The following KCNQ4 variants were observed in gnomAD, a reference collection of about 807,000 sequenced individuals.
The protein encoded by KCNQ4 is potassium voltage-gated channel subfamily Q member 4.
A neutral mutation model predicts 72.6 loss-of-function variants in KCNQ4; 31 were observed. The ratio of observed to expected loss-of-function variants is 0.43; its 90% CI spans 0.32 to 0.58. The LOEUF is 0.58. Ranked by LOEUF, KCNQ4 falls within the 20% of genes least tolerant of loss-of-function variation. The pLI is 0.08. For missense variants in KCNQ4, 869 were observed against 962.6 expected, an observed-to-expected ratio of 0.90 and a Z score of 1.29; for synonymous variants, 405 against 403.7, an observed-to-expected ratio of 1.00 and a Z score of -0.04.
At chr1:40,820,064 G>A (rs563247707) in intron 6 of KCNQ4, 79 bp downstream of exon 6, 1 of 1,536,734 alleles carries the variant, frequency 6.5e-7, no homozygotes. Context: ...TGCCTGGGGA[G>A]CCTGGGGTAC....
chr1:40,816,307 C>G (rs140407884), intron 1 of KCNQ4, among the ~76,000 whole-genome samples: 9 of 152,152 alleles, frequency 5.9e-5, no homozygotes, highest in Non-Finnish European at 1.3e-4. Context: ...CCACCTCATT[C>G]GCCTCTGCTG....
chr1:40,805,374 C>T (rs948211427), intron 1 of KCNQ4, among the ~76,000 whole-genome samples: 1 of 152,108 alleles, frequency 6.6e-6, no homozygotes, highest in Admixed American at 6.6e-5. Context: ...AGATCCTTAC[C>T]ATAGCCAGTA....
At chr1:40,807,996 A>G (rs1023188628) in intron 1 of KCNQ4, among the ~76,000 whole-genome samples, 2 of 151,046 alleles carry the variant, frequency 1.3e-5, no homozygotes, top group South Asian at 2.1e-4. Context: ...GGTCCCGGCT[A>G]CTCAGGAGGC....
chr1:40,827,335 G>C (rs1648510009), intron 9 of KCNQ4, among the ~76,000 whole-genome samples: 1 of 152,188 alleles, frequency 6.6e-6, no homozygotes, highest in Non-Finnish European at 1.5e-5. Context: ...GCCCGGGTCA[G>C]GCACACAACC....
Position 40,784,973 on chromosome 1 carries a change from G to A in KCNQ4, c.314+566G>A, listed in dbSNP as rs200361655. 3.6e-4 allele frequency among the ~76,000 whole-genome samples: 55 copies of A among 152,194 alleles called. No individual in the cohort carries two copies. The highest frequency in any genetic ancestry group is 2.0e-3 in the Admixed American group (31 of 15,288). On this transcript the variant is annotated intron_variant, in intron 1 of 13. Coordinates refer to ENST00000347132, the MANE Select transcript of KCNQ4 (RefSeq NM_004700.4). The surrounding 1 kb of genome is among the most constrained non-coding windows in gnomAD (Gnocchi z 4.1). ...CCCCTGGGCCCTGACACTCGCATAT[G>A]CTGTGTCCGACTTGATCTGTGTCTT...
At position 40,818,669 on chromosome 1, in the gene KCNQ4, G is replaced by C; in HGVS notation, c.697G>C (p.Ala233Pro). ...GAAGCTGCTGGGCTCAGTGGTCTACGCGCATAGCAAGGTGAGGCCTGCAAG... is the reference window on the plus strand; with the variant it reads ...GAAGCTGCTGGGCTCAGTGGTCTACCCGCATAGCAAGGTGAGGCCTGCAAG... ...TWKLLGSVVY[A>P]HSKELITAWY... The change falls in exon 4 of 14, where the codon GCG becomes CCG. Residue 233 changes from alanine (A) to proline (P), a missense_variant. Ala to Pro is a conservative substitution (Grantham distance 27). Coordinates refer to ENST00000347132, the MANE Select transcript of KCNQ4 (RefSeq NM_004700.4). 4 of 1,602,778 alleles carry C rather than the reference G, an allele frequency of 2.5e-6. No homozygotes were observed. The highest frequency in any genetic ancestry group is 3.4e-6 in the Non-Finnish European group (4 of 1,177,934).
At chr1:40,793,080 G>T (rs1476086709) in intron 1 of KCNQ4, among the ~76,000 whole-genome samples, 1 of 136,840 alleles carries the variant, frequency 7.3e-6, no homozygotes, top group African/African-American at 2.8e-5. Flanking sequence ...TATGATCACT[G>T]CAGACTCAAC....
intron 1 of KCNQ4, among the ~76,000 whole-genome samples, chr1:40,789,999 A>C (rs1647248439): frequency 6.6e-6 from 1 of 152,212 alleles, no homozygotes; most frequent in Non-Finnish European, 1.5e-5. Flanking sequence ...CCCAGCAGGG[A>C]ATTCTGCATG....
chr1:40,791,252 G>A lies in KCNQ4; in HGVS notation c.314+6845G>A, dbSNP rs75325834. Among the ~76,000 whole-genome samples, 1,408 of 152,294 alleles carry A rather than the reference G, an allele frequency of 9.2e-3. 20 individuals are homozygous for A. Among genetic ancestry groups the A allele is most frequent in the African/African-American group, 0.032 (1,312 of 41,554 alleles). ...ACAGGAAAGTGGACCTCTCAGGGCT[G>A]CCTGGCACACAGTCGTGGTGGGCAA... On this transcript the variant is annotated intron_variant, in intron 1 of 13. Coordinates refer to ENST00000347132, the MANE Select transcript of KCNQ4 (RefSeq NM_004700.4).
In KCNQ4 at chr1:40,784,522, ATC is replaced by A; in HGVS notation, c.314+122_314+123del. The A allele has an allele frequency of 1.0e-6, 1 of 970,274 alleles. No individual in the cohort carries two copies. The highest frequency in any genetic ancestry group is 1.6e-6 in the Non-Finnish European group (1 of 624,210). The allele number at this position is 970,274 out of a possible 1,614,324, so 60.1% of individuals were successfully genotyped here. ...CCCCCCTGCCTCAGGGCCGACCCTCATCTCTCTCCCCCCAGGCCTAAGCCCGG... is the reference window on the plus strand; with the variant it reads ...CCCCCCTGCCTCAGGGCCGACCCTCATCTCTCCCCCCAGGCCTAAGCCCGG... On this transcript the variant is annotated intron_variant, in intron 1 of 13. Coordinates refer to ENST00000347132, the MANE Select transcript of KCNQ4 (RefSeq NM_004700.4). The surrounding 1 kb of genome is among the most constrained non-coding windows in gnomAD (Gnocchi z 4.1).
In KCNQ4 at chr1:40,839,666, C is replaced by G. The variant is rs1309143458; in HGVS notation, c.*1143C>G. On this transcript the variant is annotated 3_prime_UTR_variant, in exon 14 of 14. Transcript: ENST00000347132. The stretch of plus-strand genomic sequence containing the variant: ...TCCCCTTCTTCAAGAAGATCTCCTC[C>G]TCTCTGGTCCAGGAGCCCTAACCCA... 3 of 152,504 alleles carry G rather than the reference C, an allele frequency of 2.0e-5. No homozygotes were observed. In the South Asian group the frequency reaches 6.2e-4, roughly 32 times the overall value. The allele number at this position is 152,504 out of a possible 1,614,324, so 9.4% of individuals were successfully genotyped here.
intron 1 of KCNQ4, among the ~76,000 whole-genome samples, chr1:40,814,863 T>A (rs1648036630): frequency 6.6e-6 from 1 of 151,442 alleles, no homozygotes; most frequent in South Asian, 2.1e-4. Context: ...CACATTGCCG[T>A]TAAGGTTTTA....
At position 40,838,687 on chromosome 1, in the gene KCNQ4, G is replaced by C; in HGVS notation, c.*164G>C. 1.4e-6 allele frequency: 1 copy of C among 697,484 alleles called. No homozygotes were observed. Among genetic ancestry groups the C allele is most frequent in the Non-Finnish European group, 2.5e-6 (1 of 398,910 alleles). 43.2% of individuals were successfully genotyped at this position (697,484 alleles called of 1,614,324 possible). ...CTGAGTGGGCGTGGTACCTGCTGTG[G>C]GTGCCAGCGCCCCTTCCCCACCTCA... is the stretch of plus-strand genomic sequence containing the variant. On this transcript the variant is annotated 3_prime_UTR_variant, in exon 14 of 14. Transcript: ENST00000347132.
intron 1 of KCNQ4, among the ~76,000 whole-genome samples, chr1:40,796,258 C>A (rs1049518500): frequency 1.3e-5 from 2 of 152,092 alleles, no homozygotes; most frequent in Non-Finnish European, 2.9e-5. Context: ...CTAGCAGTCA[C>A]CTCCCTCTCT....
intron 10 of KCNQ4, among the ~76,000 whole-genome samples, chr1:40,831,991 C>G (rs1029934462): frequency 1.3e-5 from 2 of 152,246 alleles, no homozygotes; most frequent in African/African-American, 2.4e-5. Context: ...CTTCCTACCC[C>G]TCTTCACCCA....
intron 9 of KCNQ4, among the ~76,000 whole-genome samples, chr1:40,830,128 C>T (rs927960): frequency 2.0e-5 from 3 of 152,072 alleles, no homozygotes; most frequent in Non-Finnish European, 2.9e-5. Context: ...TAGGCAGTAT[C>T]GGGGGGTAGA....
rs1194213477 is a variant in KCNQ4, at chr1:40,794,558, C to T, written c.314+10151C>T. 1.3e-5 allele frequency among the ~76,000 whole-genome samples: 2 copies of T among 152,212 alleles called. No individual in the cohort carries two copies. The highest frequency in any genetic ancestry group is 2.9e-5 in the Non-Finnish European group (2 of 68,036). On this transcript the variant is annotated intron_variant, in intron 1 of 13. Transcript: ENST00000347132. This position sits in a 1 kb window ranked among gnomAD's most constrained non-coding sequence, Gnocchi z 4.2. ...AGCCCGAGCTCTAAATGGTTCTCAG[C>T]CTCGCCAGCTGACCCAAGGCAGTTT... is the stretch of plus-strand genomic sequence containing the variant.
At chr1:40,818,813 C>T in intron 4 of KCNQ4, 133 bp downstream of exon 4, 3 of 1,041,448 alleles carry the variant, frequency 2.9e-6, no homozygotes, top group Non-Finnish European at 4.3e-6. Context: ...GGGGTTGGAG[C>T]CCTAGCAGGA....
intron 1 of KCNQ4, among the ~76,000 whole-genome samples, chr1:40,809,862 C>T (rs1384018622): frequency 6.6e-6 from 1 of 152,080 alleles, no homozygotes; most frequent in Non-Finnish European, 1.5e-5. Flanking sequence ...GTCAGGAGTT[C>T]AAGACCAGCC....
Sources: allele counts gnomAD v4.1 joint callset (sites outside exome capture counted in the v4.1 genomes callset), GRCh38; gene constraint gnomAD v4.1.1; non-coding constraint Gnocchi (gnomAD v3.1); transcripts MANE v1.5; gene names NCBI Gene and HGNC (gene_info 2026-07-23, HGNC 2026-07-21).